The following RLN1 variants were observed in gnomAD, a reference collection of about 807,000 sequenced individuals.
The protein encoded by RLN1 is relaxin 1.
A neutral mutation model predicts 7.2 loss-of-function variants in RLN1; 4 were observed. That is an observed-to-expected ratio of 0.56 (90% CI 0.28 to 1.28). The LOEUF (loss-of-function observed/expected upper bound fraction) is 1.28. RLN1 is among the 50% of genes most tolerant of loss of function. RLN1 has a pLI of 0.11. For missense variants in RLN1, 293 were observed against 221.1 expected, an observed-to-expected ratio of 1.32 and a Z score of -2.06; for synonymous variants, 105 against 86.0, an observed-to-expected ratio of 1.22 and a Z score of -1.22.
intron 1 of RLN1, among the ~76,000 whole-genome samples, chr9:5,337,556 G>T (rs1298690832): frequency 6.6e-6 from 1 of 151,924 alleles, no homozygotes; most frequent in South Asian, 2.1e-4. Flanking sequence ...GGCACACATT[G>T]TAAGATAAAA....
In RLN1 at chr9:5,335,383, G is replaced by C. The variant is rs57702698; in HGVS notation, c.426C>G (p.Asp142Glu). 3,657 of 1,613,580 alleles carry C rather than the reference G, an allele frequency of 2.3e-3. 109 individuals carry two copies. In the African/African-American group the frequency reaches 0.044, roughly 19 times the overall value. Reference sequence around the variant, plus strand: ...AGTATTTTAATTCTGAAGGATTGCTGTCTGCGGCTTCACTTTGCCTATTGC... The same window carrying C: ...AGTATTTTAATTCTGAAGGATTGCTCTCTGCGGCTTCACTTTGCCTATTGC... ...LIRNRQSEAA[D>E]SNPSELKYLG... The change falls in exon 2 of 2, where the codon GAC becomes GAG. Residue 142 changes from aspartate (D) to glutamate (E), a missense_variant. Transcript: ENST00000223862.
upstream of RLN1, among the ~76,000 whole-genome samples, chr9:5,340,634 A>C (rs1423424417): frequency 2.6e-5 from 4 of 152,174 alleles, no homozygotes; most frequent in African/African-American, 7.2e-5. Context: ...TTACAGCACA[A>C]GGATATGTTC....
chr9:5,340,858 C>G (rs1476762170), upstream of RLN1, among the ~76,000 whole-genome samples: 4 of 152,138 alleles, frequency 2.6e-5, no homozygotes, highest in Non-Finnish European at 5.9e-5. Flanking sequence ...TAGTTCAGCT[C>G]CATCAGATAA....
intron 1 of RLN1, among the ~76,000 whole-genome samples, chr9:5,336,233 A>G (rs1431307054): frequency 6.6e-6 from 1 of 152,070 alleles, no homozygotes; most frequent in Non-Finnish European, 1.5e-5. Flanking sequence ...TTTATATGAA[A>G]GAGAGAAGTG....
upstream of RLN1, chr9:5,339,911 A>G: frequency 1.5e-6 from 1 of 687,324 alleles, no homozygotes; most frequent in South Asian, 1.9e-5. Flanking sequence ...TTTTAAGGCA[A>G]GGTTGCCAGC....
At chr9:5,340,481 T>A (rs1816969242), upstream of RLN1, among the ~76,000 whole-genome samples, 2 of 152,144 alleles carry the variant, frequency 1.3e-5, no homozygotes, top group African/African-American at 4.8e-5. Flanking sequence ...AATTTAAAAT[T>A]CTAGTCTATG....
At chr9:5,335,672 T>A in intron 1 of RLN1, 75 bp from the exon 2 acceptor site, 1 of 866,262 alleles carries the variant, frequency 1.2e-6, no homozygotes, top group Non-Finnish European at 1.8e-6. Context: ...TGTGAATGTT[T>A]GCATACACAA....
Position 5,335,189 on chromosome 9 carries a change from C to G in RLN1, c.*62G>C. 1.1e-6 allele frequency: 1 copy of G among 938,806 alleles called. No homozygotes were observed. The highest frequency in any genetic ancestry group is 2.6e-5 in the Admixed American group (1 of 37,770). 58.2% of individuals were successfully genotyped at this position (938,806 alleles called of 1,614,324 possible). A position where few individuals can be genotyped will look rare whatever the true frequency, so the allele number is the denominator to read the frequency against. ...AATTAGTGGGACCTGACAGAAGCAT[C>G]AGTGAAATGTCATCAAGACTATGTG... is the stretch of plus-strand genomic sequence containing the variant. On this transcript the variant is annotated 3_prime_UTR_variant, in exon 2 of 2. Coordinates refer to ENST00000223862, the MANE Select transcript of RLN1 (RefSeq NM_006911.4).
At chr9:5,340,860 A>C (rs774005541), upstream of RLN1, among the ~76,000 whole-genome samples, 23 of 152,206 alleles carry the variant, frequency 1.5e-4, no homozygotes, top group Non-Finnish European at 3.1e-4. Flanking sequence ...GTTCAGCTCC[A>C]TCAGATAAAC....
At chr9:5,335,804 G>A (rs7021193) in intron 1 of RLN1, among the ~76,000 whole-genome samples, 7,232 of 151,980 alleles carry the variant, frequency 0.048, 638 homozygotes, top group African/African-American at 0.16. Flanking sequence ...CCAAGGCTCT[G>A]CTTTACCCCA....
Position 5,335,408 on chromosome 9 carries a change from C to A in RLN1, c.401G>T (p.Arg134Leu), listed in dbSNP as rs145563561. ...LSFEEFKKLI[R>L]NRQSEAADSN... ...GTCTGCGGCTTCACTTTGCCTATTG[C>A]GAATAAGTTTCTTAAATTCTTCAAA... The change falls in exon 2 of 2, where the codon CGC (arginine) becomes CTC (leucine). Residue 134 changes from arginine to leucine, a missense_variant. Coordinates refer to ENST00000223862, the MANE Select transcript of RLN1 (RefSeq NM_006911.4). The A allele has an allele frequency of 1.2e-6, 2 of 1,613,456 alleles. No homozygotes were observed. The highest frequency in any genetic ancestry group is 4.5e-5 in the East Asian group (2 of 44,870).
chr9:5,339,501 G>A (rs755353409), intron 1 of RLN1, 35 bp downstream of exon 1: 32 of 1,449,842 alleles, frequency 2.2e-5, no homozygotes, highest in Non-Finnish European at 2.9e-5. Flanking sequence ...CCAATGGGAA[G>A]CGCGGGAAGG....
In RLN1 at chr9:5,335,567, G is replaced by A. The variant is rs776019176; in HGVS notation, c.242C>T (p.Thr81Ile). The change falls in exon 2 of 2, where the codon ACA becomes ATA. Residue 81 changes from threonine (T) to isoleucine (I), a missense_variant. Thr to Ile is a moderately conservative substitution (Grantham distance 89). Coordinates refer to ENST00000223862, the MANE Select transcript of RLN1 (RefSeq NM_006911.4). ...TTCCAACATGATAATTATAGTTTCT[G>A]TATCTTTGTTGATGAAGGATGGTAC... is the stretch of plus-strand genomic sequence containing the variant. ...EIVPSFINKD[T>I]ETIIIMLEFI... The A allele has an allele frequency of 1.9e-6, 3 of 1,609,890 alleles. No homozygotes were observed. The highest frequency in any genetic ancestry group is 2.7e-5 in the African/African-American group (2 of 74,566).
intron 1 of RLN1, among the ~76,000 whole-genome samples, chr9:5,337,800 A>G (rs1407618649): frequency 6.6e-6 from 1 of 152,030 alleles, no homozygotes; most frequent in Non-Finnish European, 1.5e-5. Context: ...TTGAAATCTC[A>G]TGTCTCTTCT....
Position 5,335,514 on chromosome 9 carries a change from T to G in RLN1, c.295A>C (p.Lys99Gln), listed in dbSNP as rs1379369571. ...EFIANLPPEL[K>Q]AALSERQPSL... Reference sequence around the variant, plus strand: ...GGTTGCCTCTCAGATAGGGCTGCCTTCAGCTCCGGTGGCAAATTAGCAATG... The same window carrying G: ...GGTTGCCTCTCAGATAGGGCTGCCTGCAGCTCCGGTGGCAAATTAGCAATG... Residue 99 changes from lysine to glutamine, a missense_variant, in exon 2 of 2, where the codon AAG (lysine) becomes CAG (glutamine). Transcript: ENST00000223862. 1 of 1,613,236 alleles carries G rather than the reference T, an allele frequency of 6.2e-7. No homozygotes were observed. Among genetic ancestry groups the G allele is most frequent in the African/African-American group, 1.3e-5 (1 of 74,810 alleles).
upstream of RLN1, chr9:5,339,887 G>A: frequency 1.3e-6 from 1 of 793,868 alleles, no homozygotes; most frequent in Admixed American, 2.7e-5. Context: ...CTTTAGTATG[G>A]GCTATCACTC....
Position 5,339,691 on chromosome 9 carries a change from A to C in RLN1, c.56T>G (p.Phe19Cys), listed in dbSNP as rs1177872769. ...CCATTTGGCCGCGACTGCTCTGGAAAATTGGTTCAGTAGTAAACAGAATTC... is the reference window on the plus strand; with the variant it reads ...CCATTTGGCCGCGACTGCTCTGGAACATTGGTTCAGTAGTAAACAGAATTC... ...LLEFCLLLNQ[F>C]SRAVAAKWKD... The change falls in exon 1 of 2, where the codon TTT becomes TGT. Residue 19 changes from phenylalanine (F) to cysteine (C), a missense_variant. Coordinates refer to ENST00000223862, the MANE Select transcript of RLN1 (RefSeq NM_006911.4). The C allele has an allele frequency of 3.8e-5, 61 of 1,613,122 alleles. No homozygotes were observed. Among genetic ancestry groups the C allele is most frequent in the Non-Finnish European group, 4.9e-5 (58 of 1,180,038 alleles).
Position 5,335,465 on chromosome 9 carries a change from T to C in RLN1, c.344A>G (p.Tyr115Cys). 6.2e-7 allele frequency: 1 copy of C among 1,613,586 alleles called. No individual in the cohort carries two copies. The highest frequency in any genetic ancestry group is 8.5e-7 in the Non-Finnish European group (1 of 1,179,620). Reference sequence around the variant, plus strand: ...ATTGGAATCCTTTAATGCAGGTACATACTGCTGTAGCTCTGGTAATGATGG... The same window carrying C: ...ATTGGAATCCTTTAATGCAGGTACACACTGCTGTAGCTCTGGTAATGATGG... ...RQPSLPELQQ[Y>C]VPALKDSNLS... Residue 115 changes from tyrosine (Y) to cysteine (C), a missense_variant, in exon 2 of 2, where the codon TAT (tyrosine) becomes TGT (cysteine). Tyr to Cys is a radical substitution (Grantham distance 194). Coordinates refer to ENST00000223862, the MANE Select transcript of RLN1 (RefSeq NM_006911.4).
At chr9:5,337,212 G>T (rs1382426361) in intron 1 of RLN1, among the ~76,000 whole-genome samples, 5 of 152,022 alleles carry the variant, frequency 3.3e-5, no homozygotes, top group Non-Finnish European at 5.9e-5. Context: ...GTCTGTAGTT[G>T]CAGTCTTATT....
Sources: gnomAD v4.1 joint callset for allele counts (sites outside exome capture counted in the v4.1 genomes callset) on GRCh38, gnomAD v4.1.1 for gene constraint, MANE v1.5 for transcripts, NCBI Gene and HGNC (gene_info 2026-07-23, HGNC 2026-07-21) for gene names.